SPATS2: variants seen among roughly 807,000 people sequenced by gnomAD.
SPATS2 encodes spermatogenesis associated serine rich 2.
A neutral mutation model predicts 63.7 loss-of-function variants in SPATS2; 38 were observed. The observed-to-expected ratio is 0.60, with a 90% confidence interval of 0.46 to 0.78. The LOEUF (loss-of-function observed/expected upper bound fraction) is 0.78. Among genes scored for constraint, SPATS2 ranks in the 30% least tolerant of loss-of-function variants. The pLI is 0.00. For missense variants in SPATS2, 588 were observed against 666.2 expected (o/e 0.88, Z 1.29); for synonymous variants, 207 against 232.9 (o/e 0.89, Z 1.01).
intron 2 of SPATS2, among the ~76,000 whole-genome samples, chr12:49,373,012 G>A (rs112098631): frequency 0.095 from 13,896 of 146,242 alleles, 759 homozygotes; most frequent in African/African-American, 0.15. Flanking sequence ...TGCTTTTGTC[G>A]CCCAGGCTGG....
chr12:49,433,102 CTTTGT>C (rs1343425877), intron 2 of SPATS2, among the ~76,000 whole-genome samples: 2 of 152,086 alleles, frequency 1.3e-5, no homozygotes, highest in African/African-American at 4.8e-5. Flanking sequence ...TTTGTTTTTA[CTTTGT>C]TTTATTTTGG....
At chr12:49,394,357 A>C (rs932443974) in intron 2 of SPATS2, among the ~76,000 whole-genome samples, 1 of 149,732 alleles carries the variant, frequency 6.7e-6, no homozygotes, top group Admixed American at 6.6e-5. Flanking sequence ...AAAAAAAAAA[A>C]CAGAACTAGT....
chr12:49,378,055 C>G (rs1337699292), intron 2 of SPATS2, among the ~76,000 whole-genome samples: 1 of 152,184 alleles, frequency 6.6e-6, no homozygotes, highest in Non-Finnish European at 1.5e-5. Context: ...TCACTGCCAC[C>G]TCCAGCTCCA....
intron 2 of SPATS2, among the ~76,000 whole-genome samples, chr12:49,417,692 T>A (rs1305775428): frequency 6.6e-6 from 1 of 152,234 alleles, no homozygotes; most frequent in Non-Finnish European, 1.5e-5. Context: ...ACCCATCTTC[T>A]CTGATGACCT....
At chr12:49,493,152 A>C (rs1190018191) in intron 6 of SPATS2, among the ~76,000 whole-genome samples, 27 of 151,908 alleles carry the variant, frequency 1.8e-4, no homozygotes, top group Admixed American at 1.8e-3. Context: ...TAAGGCAAAA[A>C]GTTTATCTAG....
At chr12:49,461,340 T>C (rs1420923657) in intron 3 of SPATS2, 3 of 262,654 alleles carry the variant, frequency 1.1e-5, no homozygotes, top group African/African-American at 4.5e-5. Context: ...ATATTCTATG[T>C]TGTTTGAGTT....
intron 2 of SPATS2, among the ~76,000 whole-genome samples, chr12:49,385,563 G>A (rs1395978008): frequency 6.6e-6 from 1 of 152,110 alleles, no homozygotes; most frequent in African/African-American, 2.4e-5. Context: ...AAATATATCT[G>A]AAGCCCACCC....
intron 2 of SPATS2, among the ~76,000 whole-genome samples, chr12:49,437,854 G>C (rs1173896858): frequency 6.6e-6 from 1 of 151,972 alleles, no homozygotes; most frequent in Non-Finnish European, 1.5e-5. Context: ...GGGAGAGGGA[G>C]AGGGAGAGGG....
At chr12:49,510,338 G>C (rs1479283983) in intron 9 of SPATS2, among the ~76,000 whole-genome samples, 1 of 151,542 alleles carries the variant, frequency 6.6e-6, no homozygotes, top group African/African-American at 2.4e-5. Context: ...GATGTGGATG[G>C]ATCGCTTGAG....
intron 2 of SPATS2, among the ~76,000 whole-genome samples, chr12:49,409,490 A>G (rs181435646): frequency 1.3e-5 from 2 of 148,690 alleles, no homozygotes; most frequent in Admixed American, 6.7e-5. Flanking sequence ...TATTTTTAGT[A>G]GAGATGGGGT....
intron 6 of SPATS2, among the ~76,000 whole-genome samples, chr12:49,493,432 C>G (rs1403983485): frequency 6.8e-6 from 1 of 146,476 alleles, no homozygotes; most frequent in African/African-American, 2.5e-5. Context: ...GATGGAGTGT[C>G]ACTCTGTTGC....
chr12:49,403,594 TACACACACACACACACAC>T (rs5798102), intron 2 of SPATS2, among the ~76,000 whole-genome samples: 50 of 128,496 alleles, frequency 3.9e-4, no homozygotes, highest in Non-Finnish European at 6.2e-4. Context: ...TGCCACTGTC[TACACACACACACACACAC>T]ACACACACAC....
At chr12:49,501,018 C>T (rs959155915) in intron 9 of SPATS2, among the ~76,000 whole-genome samples, 1 of 152,118 alleles carries the variant, frequency 6.6e-6, no homozygotes, top group Non-Finnish European at 1.5e-5. Flanking sequence ...ATGGCACGAT[C>T]ACATCTCACT....
intron 9 of SPATS2, among the ~76,000 whole-genome samples, chr12:49,506,878 G>T (rs1426694083): frequency 6.6e-6 from 1 of 151,848 alleles, no homozygotes; most frequent in Non-Finnish European, 1.5e-5. Flanking sequence ...GGGTTTATTG[G>T]GACATAACCC....
At chr12:49,488,691 G>GA (rs543203836) in intron 4 of SPATS2, among the ~76,000 whole-genome samples, 1 of 151,568 alleles carries the variant, frequency 6.6e-6, no homozygotes, top group African/African-American at 2.4e-5. Context: ...TATCAACATA[G>GA]AAAAAATCTA....
At chr12:49,440,778 AT>A (rs1178807638) in intron 2 of SPATS2, among the ~76,000 whole-genome samples, 1 of 152,104 alleles carries the variant, frequency 6.6e-6, no homozygotes, top group African/African-American at 2.4e-5. Flanking sequence ...ATATTTTTTA[AT>A]AAATACAGGC....
intron 9 of SPATS2, among the ~76,000 whole-genome samples, chr12:49,505,453 A>C (rs1240412640): frequency 1.3e-5 from 2 of 152,178 alleles, no homozygotes; most frequent in Admixed American, 1.3e-4. Context: ...GAAATGTTTT[A>C]GGTTTTTTAT....
chr12:49,480,154 A>G (rs1261692219), intron 3 of SPATS2, among the ~76,000 whole-genome samples: 1 of 152,170 alleles, frequency 6.6e-6, no homozygotes, highest in Non-Finnish European at 1.5e-5. Context: ...CCCCATGAGA[A>G]TCCTTAGACT....
intron 3 of SPATS2, among the ~76,000 whole-genome samples, chr12:49,464,494 G>T (rs186695437): frequency 4.6e-5 from 7 of 151,490 alleles, no homozygotes; most frequent in African/African-American, 1.7e-4. Flanking sequence ...GGGTGTGGTG[G>T]TGCATGCCTG....
Sources: gnomAD v4.1 joint callset for allele counts (sites outside exome capture counted in the v4.1 genomes callset) on GRCh38, gnomAD v4.1.1 for gene constraint, MANE v1.5 for transcripts, NCBI Gene and HGNC (gene_info 2026-07-23, HGNC 2026-07-21) for gene names.